Variants in RHBDL3 observed in about 807,000 individuals in gnomAD.
The protein encoded by RHBDL3 is rhomboid-related protein 3.
In RHBDL3, 28 loss-of-function variants were observed where a neutral mutation model predicts 48.2. That is an observed-to-expected ratio of 0.58 (90% CI 0.43 to 0.80). The LOEUF is 0.80. RHBDL3 is among the 30% of genes least tolerant of loss of function. The pLI, the probability that RHBDL3 is intolerant of heterozygous loss-of-function variation, is 0.00. For missense variants in RHBDL3, 464 were observed against 542.7 expected (o/e 0.85, Z 1.44); for synonymous variants, 208 against 232.3 (o/e 0.90, Z 0.95).
chr17:32,270,516 G>A (rs1368486579), intron 2 of RHBDL3, among the ~76,000 whole-genome samples: 5 of 151,930 alleles, frequency 3.3e-5, no homozygotes, highest in Admixed American at 6.6e-5. Context: ...TATGGTCACC[G>A]TCGAACTAAA....
chr17:32,298,245 C>G (rs781717133), intron 6 of RHBDL3, 41 bp downstream of exon 6: 1 of 1,389,638 alleles, frequency 7.2e-7, no homozygotes, highest in South Asian at 1.2e-5. Flanking sequence ...CACACTGCCC[C>G]AGGGTGGGGT....
intron 7 of RHBDL3, among the ~76,000 whole-genome samples, chr17:32,309,179 AGTGTGT>A (rs61558385): frequency 0.017 from 2,551 of 149,686 alleles, 53 homozygotes; most frequent in African/African-American, 0.047. Context: ...GAAGGTTTGG[AGTGTGT>A]GTGTGTGTGT....
chr17:32,318,875 C>T (rs768304217), intron 8 of RHBDL3, among the ~76,000 whole-genome samples: 1 of 152,114 alleles, frequency 6.6e-6, no homozygotes, highest in African/African-American at 2.4e-5. Flanking sequence ...TACTTCTTAC[C>T]CCATGGCTTT....
chr17:32,305,488 C>A, intron 7 of RHBDL3, 47 bp downstream of exon 7: 1 of 1,312,222 alleles, frequency 7.6e-7, no homozygotes, highest in Non-Finnish European at 1.1e-6. Flanking sequence ...CTGTCCTCTG[C>A]CATCACTGGG....
intron 4 of RHBDL3, among the ~76,000 whole-genome samples, chr17:32,292,801 CAA>C (rs60403728): frequency 0.21 from 16,262 of 76,648 alleles, 880 homozygotes; most frequent in East Asian, 0.38. Context: ...GACTCCACCT[CAA>C]AAAAAAAAAA....
At chr17:32,277,006 C>T (rs2039930178) in intron 2 of RHBDL3, among the ~76,000 whole-genome samples, 2 of 152,214 alleles carry the variant, frequency 1.3e-5, no homozygotes, top group African/African-American at 2.4e-5. Flanking sequence ...CCCTAGCACA[C>T]GTGCCTGTGC....
chr17:32,306,314 C>T (rs913405042), intron 7 of RHBDL3, among the ~76,000 whole-genome samples: 27 of 152,126 alleles, frequency 1.8e-4, no homozygotes, highest in Non-Finnish European at 1.3e-4. Context: ...GTCCCAGCTA[C>T]TTGGGAGGCT....
chr17:32,266,739 C>A (rs2039641970), intron 1 of RHBDL3, among the ~76,000 whole-genome samples: 1 of 152,188 alleles, frequency 6.6e-6, no homozygotes, highest in African/African-American at 2.4e-5. Flanking sequence ...CCTGGCGACC[C>A]CTTCCTCCGC....
intron 1 of RHBDL3, among the ~76,000 whole-genome samples, chr17:32,267,362 C>G (rs1174133911): frequency 7.2e-6 from 1 of 139,814 alleles, no homozygotes; most frequent in Non-Finnish European, 1.5e-5. Flanking sequence ...CGCAAAAAAA[C>G]AAAAAACGAA....
At chr17:32,271,808 AC>A (rs1474233203) in intron 2 of RHBDL3, among the ~76,000 whole-genome samples, 1 of 152,122 alleles carries the variant, frequency 6.6e-6, no homozygotes, top group Non-Finnish European at 1.5e-5. Flanking sequence ...TATTTCCTAG[AC>A]CCCCAAAAGA....
chr17:32,278,295 T>A (rs2039960329), intron 2 of RHBDL3, among the ~76,000 whole-genome samples: 1 of 151,966 alleles, frequency 6.6e-6, no homozygotes, highest in Non-Finnish European at 1.5e-5. Context: ...AGACTCCATC[T>A]CAAAAAAATA....
At chr17:32,289,888 G>A (rs557422265) in intron 4 of RHBDL3, among the ~76,000 whole-genome samples, 15 of 152,170 alleles carry the variant, frequency 9.9e-5, no homozygotes, top group Admixed American at 9.2e-4. Flanking sequence ...CAAAAGCTTC[G>A]CGGCATCCTT....
chr17:32,315,748 G>T (rs2040955660), intron 7 of RHBDL3, among the ~76,000 whole-genome samples: 1 of 151,618 alleles, frequency 6.6e-6, no homozygotes, highest in African/African-American at 2.4e-5. Context: ...CCCTTTCCTT[G>T]TGTTGACTCA....
At chr17:32,303,871 T>C (rs1484065473) in intron 6 of RHBDL3, among the ~76,000 whole-genome samples, 1 of 152,122 alleles carries the variant, frequency 6.6e-6, no homozygotes, top group Admixed American at 6.5e-5. Flanking sequence ...TTGCACCCTA[T>C]ACAGCCTGCA....
intron 5 of RHBDL3, among the ~76,000 whole-genome samples, chr17:32,296,732 A>C (rs2040460474): frequency 6.6e-6 from 1 of 151,728 alleles, no homozygotes; most frequent in Non-Finnish European, 1.5e-5. Flanking sequence ...TAATGCCTGC[A>C]CTTGTTTTGA....
chr17:32,305,530 C>A, intron 7 of RHBDL3, 89 bp downstream of exon 7: 2 of 947,770 alleles, frequency 2.1e-6, no homozygotes, highest in South Asian at 1.3e-5. Flanking sequence ...GCTGGCTCAC[C>A]AAAAACCAGG....
At chr17:32,317,338 C>T (rs1343523776) in intron 8 of RHBDL3, among the ~76,000 whole-genome samples, 1 of 152,222 alleles carries the variant, frequency 6.6e-6, no homozygotes, top group African/African-American at 2.4e-5. Flanking sequence ...CAGAAAAATA[C>T]ATATATGTGC....
At chr17:32,297,987 C>T in intron 5 of RHBDL3, 105 bp from the exon 6 acceptor site, 3 of 808,558 alleles carry the variant, frequency 3.7e-6, no homozygotes, top group Non-Finnish European at 6.3e-6. Context: ...TGGTCTTGTT[C>T]ATTGCTGGAT....
chr17:32,278,433 C>G (rs1052316398), intron 2 of RHBDL3, among the ~76,000 whole-genome samples: 1 of 152,226 alleles, frequency 6.6e-6, no homozygotes, highest in Non-Finnish European at 1.5e-5. Context: ...CGAACTCACT[C>G]TCTGACCTGG....
Sources: gnomAD v4.1 joint callset for allele counts (sites outside exome capture counted in the v4.1 genomes callset) on GRCh38, gnomAD v4.1.1 for gene constraint, MANE v1.5 for transcripts, NCBI Gene and HGNC (gene_info 2026-07-23, HGNC 2026-07-21) for gene names.